MRPL11: variants seen among roughly 807,000 people sequenced by gnomAD.
MRPL11 encodes mitochondrial ribosomal protein L11, also known as large ribosomal subunit protein uL11m.
A neutral mutation model predicts 19.1 loss-of-function variants in MRPL11; 21 were observed. The observed-to-expected ratio is 1.10, with a 90% CI of 0.78 to 1.58. The LOEUF (loss-of-function observed/expected upper bound fraction) is 1.58, where lower values mean the gene tolerates loss of function less well. Among genes scored for constraint, MRPL11 ranks in the 40% most tolerant of loss-of-function variants. The probability of loss-of-function intolerance (pLI) is 0.00; values close to 1 mark genes in which losing one functional copy is unlikely to be tolerated. For synonymous variants in MRPL11, 108 were observed against 99.7 expected (o/e 1.08, Z -0.49); for missense variants, 242 against 243.9 (o/e 0.99, Z 0.05).
chr11:66,437,364 C>G lies in MRPL11; in HGVS notation c.299G>C (p.Gly100Ala). 1 of 1,614,180 alleles carries G rather than the reference C, an allele frequency of 6.2e-7. No individual in the cohort carries two copies. The highest frequency in any genetic ancestry group is 8.5e-7 in the Non-Finnish European group (1 of 1,180,036). Residue 100 changes from glycine to alanine, a missense_variant, in exon 3 of 5, where the codon GGG becomes GCG. Gly to Ala is a moderately conservative substitution (Grantham distance 60). Transcript: ENST00000310999. ...CTGGCCCTCACCTGTTTGCCGGGCC[C>G]CCTTTTCAATCCCAGCTGCTGCCTT... is the stretch of plus-strand genomic sequence containing the variant. ...FLKAAAGIEK[G>A]ARQTGKEVAG...
intron 4 of MRPL11, 187 bp downstream of exon 4, chr11:66,436,917 A>G (rs1296946718): frequency 1.9e-6 from 3 of 1,611,140 alleles, no homozygotes; most frequent in East Asian, 2.2e-5. Context: ...CGTCTAATAC[A>G]TAACAGGTGC....
chr11:66,436,877 T>C lies in MRPL11; in HGVS notation c.473+227A>G, dbSNP rs750986017. The C allele has an allele frequency of 1.9e-6, 3 of 1,614,080 alleles. No individual in the cohort carries two copies. In the African/African-American group the frequency reaches 4.0e-5, roughly 22 times the overall value. ...CCCACTTGGATCCTTCATGGAGATCTTTCCATTTCTTAGAACATTTGCAGA... is the reference window on the plus strand; with the variant it reads ...CCCACTTGGATCCTTCATGGAGATCCTTCCATTTCTTAGAACATTTGCAGA... On this transcript the variant is annotated intron_variant, in intron 4 of 4. Coordinates refer to ENST00000310999, the MANE Select transcript of MRPL11 (RefSeq NM_016050.5).
Position 66,437,362 on chromosome 11 carries a change from C to T in MRPL11, c.301G>A (p.Ala101Thr), listed in dbSNP as rs777367205. The change falls in exon 3 of 5, where the codon GCC becomes ACC. Residue 101 changes from alanine to threonine, a missense_variant. Ala to Thr is a moderately conservative substitution (Grantham distance 58). Coordinates refer to ENST00000310999, the MANE Select transcript of MRPL11 (RefSeq NM_016050.5). ...LKAAAGIEKG[A>T]RQTGKEVAGL... ...CCCTGGCCCTCACCTGTTTGCCGGGCCCCCTTTTCAATCCCAGCTGCTGCC... is the reference window on the plus strand; with the variant it reads ...CCCTGGCCCTCACCTGTTTGCCGGGTCCCCTTTTCAATCCCAGCTGCTGCC... 3.1e-6 allele frequency: 5 copies of T among 1,614,068 alleles called. No homozygotes were observed. Among genetic ancestry groups the T allele is most frequent in the East Asian group, 2.2e-5 (1 of 44,902 alleles).
Position 66,436,020 on chromosome 11 carries a change from GCTT to G in MRPL11, c.563_565del (p.Glu188del), listed in dbSNP as rs763626857. ...GTGGGGCAAGGGTCACTTCTTGGCA[GCTT>G]CTTCTTGGGCAGCCAAATCTGCCTC... On this transcript the variant is annotated inframe_deletion, in exon 5 of 5. Transcript: ENST00000310999. The G allele has an allele frequency of 5.0e-6, 8 of 1,613,412 alleles. No individual in the cohort carries two copies. Among genetic ancestry groups the G allele is most frequent in the African/African-American group, 2.7e-5 (2 of 74,934 alleles).
In MRPL11 at chr11:66,435,909, A is replaced by T. The variant is rs978959123; in HGVS notation, c.*98T>A. 1 of 843,094 alleles carries T rather than the reference A, an allele frequency of 1.2e-6. No individual in the cohort carries two copies. The highest frequency in any genetic ancestry group is 2.1e-5 in the Admixed American group (1 of 48,476). 52.2% of individuals were successfully genotyped at this position (843,094 alleles called of 1,614,324 possible). A position where few individuals can be genotyped will look rare whatever the true frequency, so the allele number is the denominator to read the frequency against. On this transcript the variant is annotated 3_prime_UTR_variant, in exon 5 of 5. Coordinates refer to ENST00000310999, the MANE Select transcript of MRPL11 (RefSeq NM_016050.5). ...GTACAAAAATATATCATTCAAAGTC[A>T]TGAAAACCATCATCATATTGGTGTG...
chr11:66,437,900 T>A (rs1666497323), intron 2 of MRPL11, among the ~76,000 whole-genome samples: 1 of 151,854 alleles, frequency 6.6e-6, no homozygotes, highest in Non-Finnish European at 1.5e-5. Flanking sequence ...AAAAAATAAA[T>A]CTGCAGCAAA....
At chr11:66,438,406 T>G (rs1193227953) in intron 1 of MRPL11, 147 bp from the exon 2 acceptor site, 3 of 874,328 alleles carry the variant, frequency 3.4e-6, no homozygotes, top group East Asian at 5.1e-5. Flanking sequence ...AGCCAGAAGA[T>G]CGTACGCATC....
intron 4 of MRPL11, 104 bp from the exon 5 acceptor site, chr11:66,436,216 C>A: frequency 1.1e-6 from 1 of 882,766 alleles, no homozygotes; most frequent in Admixed American, 2.2e-5. Context: ...TGTCTCCAAG[C>A]CCAGCTTGCC....
intron 4 of MRPL11, 58 bp downstream of exon 4, chr11:66,437,046 G>A: frequency 6.3e-7 from 1 of 1,590,368 alleles, no homozygotes; most frequent in Non-Finnish European, 8.5e-7. Flanking sequence ...TCTCAGCTCT[G>A]CCCGAGTCCA....
Position 66,437,131 on chromosome 11 carries a change from C to A in MRPL11, c.446G>T (p.Arg149Leu), listed in dbSNP as rs764880801. 1 of 1,614,210 alleles carries A rather than the reference C, an allele frequency of 6.2e-7. No homozygotes were observed. ...CTTCACCACGCGAATGCCCAGAGAA[C>A]GGGCAGACCCGATGATGGAGCGGAC... is the stretch of plus-strand genomic sequence containing the variant. Reference protein sequence around the residue: ...SVVRSIIGSARSLGIRVVKDL... With the variant: ...SVVRSIIGSALSLGIRVVKDL... Residue 149 changes from arginine to leucine, a missense_variant, in exon 4 of 5, where the codon CGT (arginine) becomes CTT (leucine). Coordinates refer to ENST00000310999, the MANE Select transcript of MRPL11 (RefSeq NM_016050.5).
intron 1 of MRPL11, 44 bp from the exon 2 acceptor site, chr11:66,438,303 G>T (rs1270395021): frequency 6.9e-7 from 1 of 1,452,072 alleles, no homozygotes; most frequent in Non-Finnish European, 9.7e-7. Context: ...GGAGGGGACG[G>T]CTTCCTATCG....
At position 66,437,492 on chromosome 11, in the gene MRPL11, C is replaced by T. The variant is rs1284015982; in HGVS notation, c.220-49G>A. The T allele has an allele frequency of 6.4e-6, 10 of 1,564,228 alleles. No individual in the cohort carries two copies. In the Admixed American group the frequency reaches 1.4e-4, roughly 21 times the overall value. On this transcript the variant is annotated intron_variant, in intron 2 of 4. Transcript: ENST00000310999. ...GATTCTCTCTTCCTACTGCCCCATCCCAGGGAACTTCTAATGTCTTGCCCC... is the reference window on the plus strand; with the variant it reads ...GATTCTCTCTTCCTACTGCCCCATCTCAGGGAACTTCTAATGTCTTGCCCC...
chr11:66,436,140 G>C (rs1175472848), intron 4 of MRPL11, 28 bp from the exon 5 acceptor site: 1 of 1,593,486 alleles, frequency 6.3e-7, no homozygotes, highest in African/African-American at 1.3e-5. Context: ...CAAATGGTTG[G>C]CGCATGATTG....
At chr11:66,436,482 T>G (rs1339342828) in intron 4 of MRPL11, among the ~76,000 whole-genome samples, 2 of 151,754 alleles carry the variant, frequency 1.3e-5, no homozygotes. Flanking sequence ...CCCATCTCCA[T>G]GCTCCCAGTA....
Position 66,438,742 on chromosome 11 carries a change from C to T in MRPL11, c.13G>A (p.Gly5Ser), listed in dbSNP as rs775588595. 1 of 1,566,668 alleles carries T rather than the reference C, an allele frequency of 6.4e-7. No individual in the cohort carries two copies. Among genetic ancestry groups the T allele is most frequent in the South Asian group, 1.2e-5 (1 of 86,706 alleles). The change falls in exon 1 of 5, where the codon GGC becomes AGC. Residue 5 changes from glycine (G) to serine (S), a missense_variant. Transcript: ENST00000310999. ...TTCCTGAGGCCCCGGGCGGCCCGGC[C>T]GAGCTTTGACATGATGCGGGGCTGC... MSKL[G>S]RAARGLRKPE...
chr11:66,437,895 A>G (rs374151847), intron 2 of MRPL11, among the ~76,000 whole-genome samples: 16 of 152,186 alleles, frequency 1.1e-4, no homozygotes, highest in African/African-American at 3.4e-4. Context: ...AAAGAAAAAA[A>G]TAAATCTGCA....
chr11:66,438,164 C>T lies in MRPL11; in HGVS notation c.219G>A (p.Lys73=). 6.2e-7 allele frequency: 1 copy of T among 1,609,776 alleles called. No homozygotes were observed. The highest frequency in any genetic ancestry group is 8.5e-7 in the Non-Finnish European group (1 of 1,176,040). ...GIPLPTKILV[K]PDRTFEIKIG... ...CCAGGGATCAGAGTCCAGACTCCACCTTCACTAAAATCTTGGTAGGCAGAG... is the reference window on the plus strand; with the variant it reads ...CCAGGGATCAGAGTCCAGACTCCACTTTCACTAAAATCTTGGTAGGCAGAG... Residue 73 remains lysine, a splice_region_variant and synonymous_variant, in exon 2 of 5, where the codon AAG becomes AAA. Transcript: ENST00000310999.
chr11:66,438,343 G>A lies in MRPL11; in HGVS notation c.124-84C>T, dbSNP rs561065815. On this transcript the variant is annotated intron_variant, in intron 1 of 4. Transcript: ENST00000310999. ...GGAGGCGCCGTCCGTTCCCTCCTTCGTCTTCACTTCTCTGGGTTCCCATCT... is the reference window on the plus strand; with the variant it reads ...GGAGGCGCCGTCCGTTCCCTCCTTCATCTTCACTTCTCTGGGTTCCCATCT... The A allele has an allele frequency of 7.6e-5, 87 of 1,148,234 alleles. No individual in the cohort carries two copies. In the African/African-American group the frequency reaches 1.1e-3, roughly 15 times the overall value. 71.1% of individuals were successfully genotyped at this position (1,148,234 alleles called of 1,614,324 possible). A position where few individuals can be genotyped will look rare whatever the true frequency, so the allele number is the denominator to read the frequency against.
chr11:66,437,610 T>G (rs1449429891), intron 2 of MRPL11, among the ~76,000 whole-genome samples, 167 bp from the exon 3 acceptor site: 1 of 152,182 alleles, frequency 6.6e-6, no homozygotes, highest in East Asian at 1.9e-4. Context: ...CAGTGGTTCA[T>G]GCCTATAATC....
Sources: gnomAD v4.1 joint callset for allele counts (sites outside exome capture counted in the v4.1 genomes callset) on GRCh38, gnomAD v4.1.1 for gene constraint, MANE v1.5 for transcripts, NCBI Gene and HGNC (gene_info 2026-07-23, HGNC 2026-07-21) for gene names.